ARHGEF10L: variants seen among roughly 807,000 people sequenced by gnomAD.
The protein encoded by ARHGEF10L is Rho guanine nucleotide exchange factor 10 like, also known as rho guanine nucleotide exchange factor 10-like protein.
Under a neutral mutation model 141.2 loss-of-function variants are expected in ARHGEF10L, and 69 were observed. The ratio of observed to expected loss-of-function variants is 0.49; its 90% CI spans 0.40 to 0.60. The LOEUF is 0.60. Ranked by LOEUF, ARHGEF10L falls within the 20% of genes least tolerant of loss-of-function variation. The pLI is 0.00. For synonymous variants in ARHGEF10L, 711 were observed against 718.5 expected (o/e 0.99, Z 0.17); for missense variants, 1,482 against 1,734.3 (o/e 0.85, Z 2.58).
rs542988034 is a variant in ARHGEF10L at position 17,656,700 on chromosome 1, G to A, written c.2852G>A (p.Arg951Gln). 36 of 1,612,540 alleles carry A rather than the reference G, an allele frequency of 2.2e-5. No homozygotes were observed. The highest frequency in any genetic ancestry group is 1.8e-4 in the Middle Eastern group (1 of 5,618). ...LQDGTLAAYP[R>Q]TSGGVLWDLE... ...GATGGGACCCTTGCTGCTTACCCTCGGACCAGCGGTGAGGACTGGGGGGAA... is the reference window on the plus strand; with the variant it reads ...GATGGGACCCTTGCTGCTTACCCTCAGACCAGCGGTGAGGACTGGGGGGAA... The change falls in exon 25 of 29, where the codon CGG becomes CAG. Residue 951 changes from arginine to glutamine, a missense_variant. This residue lies in a region of ARHGEF10L where 858 missense variants were observed against 966.3 expected (regional missense o/e 0.89). Coordinates refer to ENST00000361221, the MANE Select transcript of ARHGEF10L (RefSeq NM_018125.4). This position sits in a 1 kb window ranked among gnomAD's most constrained non-coding sequence, Gnocchi z 4.9.
In ARHGEF10L at chr1:17,639,806, C is replaced by G; in HGVS notation, c.2172-396C>G. 1 of 1,300,826 alleles carries G rather than the reference C, an allele frequency of 7.7e-7. No homozygotes were observed. Among genetic ancestry groups the G allele is most frequent in the Non-Finnish European group, 1.0e-6 (1 of 992,490 alleles). 80.6% of individuals were successfully genotyped at this position (1,300,826 alleles called of 1,614,324 possible). A position where few individuals can be genotyped will look rare whatever the true frequency, so the allele number is the denominator to read the frequency against. On this transcript the variant is annotated intron_variant, in intron 20 of 28. Coordinates refer to ENST00000361221, the MANE Select transcript of ARHGEF10L (RefSeq NM_018125.4). This position sits in a 1 kb window ranked among gnomAD's most constrained non-coding sequence, Gnocchi z 4.3. ...CCATGCCAGGTGCTGGGAACAGACC[C>G]AAGTGAGACCCATTCCTCCCTCTAG...
chr1:17,600,314 G>C (rs926969371), intron 4 of ARHGEF10L, among the ~76,000 whole-genome samples: 6 of 152,240 alleles, frequency 3.9e-5, no homozygotes, highest in Non-Finnish European at 8.8e-5. Flanking sequence ...AGGAAGGGAA[G>C]TTCAAGTTGA....
At chr1:17,675,385 C>T (rs2063583469) in intron 26 of ARHGEF10L, among the ~76,000 whole-genome samples, 1 of 152,214 alleles carries the variant, frequency 6.6e-6, no homozygotes, top group African/African-American at 2.4e-5. Flanking sequence ...CCCCCTCTGG[C>T]TAAGCACGGG....
intron 25 of ARHGEF10L, among the ~76,000 whole-genome samples, chr1:17,663,684 A>G (rs2062785980): frequency 6.6e-6 from 1 of 152,230 alleles, no homozygotes; most frequent in African/African-American, 2.4e-5. Flanking sequence ...TTCATGAGAA[A>G]TCAAGATTCA....
chr1:17,688,228 T>G (rs1258609881), intron 27 of ARHGEF10L, among the ~76,000 whole-genome samples: 1 of 152,248 alleles, frequency 6.6e-6, no homozygotes. Flanking sequence ...AGTCTGTGGG[T>G]TTGGATGGCA....
chr1:17,639,499 C>T lies in ARHGEF10L; in HGVS notation c.2172-703C>T, dbSNP rs927301378. On this transcript the variant is annotated intron_variant, in intron 20 of 28. Coordinates refer to ENST00000361221, the MANE Select transcript of ARHGEF10L (RefSeq NM_018125.4). This position sits in a 1 kb window ranked among gnomAD's most constrained non-coding sequence, Gnocchi z 4.3. Reference sequence around the variant, plus strand: ...CCCCCAGGGGACCATGTGTAGGAGTCAGCAGCTTTGAATCTGCCGCCTCCC... The same window carrying T: ...CCCCCAGGGGACCATGTGTAGGAGTTAGCAGCTTTGAATCTGCCGCCTCCC... Among the ~76,000 whole-genome samples, 2 of 151,728 alleles carry T rather than the reference C, an allele frequency of 1.3e-5. No homozygotes were observed. The highest frequency in any genetic ancestry group is 2.9e-5 in the Non-Finnish European group (2 of 67,886).
At chr1:17,664,017 G>C (rs1352198792) in intron 25 of ARHGEF10L, among the ~76,000 whole-genome samples, 1 of 152,212 alleles carries the variant, frequency 6.6e-6, no homozygotes, top group Non-Finnish European at 1.5e-5. Context: ...TGTGATAACT[G>C]TTGATTAACC....
chr1:17,614,001 G>C (rs1401581356), intron 8 of ARHGEF10L, among the ~76,000 whole-genome samples: 1 of 152,220 alleles, frequency 6.6e-6, no homozygotes, highest in Non-Finnish European at 1.5e-5. Flanking sequence ...AGTGGCTGTT[G>C]TTATCTACAT....
intron 1 of ARHGEF10L, among the ~76,000 whole-genome samples, chr1:17,565,208 C>G (rs556022390): frequency 6.6e-6 from 1 of 152,302 alleles, no homozygotes; most frequent in Non-Finnish European, 1.5e-5. Flanking sequence ...ATCCCATTCA[C>G]GAGGGCTCTA....
chr1:17,558,877 A>G lies in ARHGEF10L; in HGVS notation c.-44+18927A>G, dbSNP rs924716924. Among the ~76,000 whole-genome samples the G allele has an allele frequency of 6.6e-6, 1 of 152,118 alleles. No individual in the cohort carries two copies. The highest frequency in any genetic ancestry group is 2.4e-5 in the African/African-American group (1 of 41,404). On this transcript the variant is annotated intron_variant, in intron 1 of 28. Coordinates refer to ENST00000361221, the MANE Select transcript of ARHGEF10L (RefSeq NM_018125.4). This position sits in a 1 kb window ranked among gnomAD's most constrained non-coding sequence, Gnocchi z 4.2. Reference sequence around the variant, plus strand: ...CACAGGCTCCCTGGGCTGGGCAGGGAGAATGGTGGGGAGGGCTGAGGGGCC... The same window carrying G: ...CACAGGCTCCCTGGGCTGGGCAGGGGGAATGGTGGGGAGGGCTGAGGGGCC...
In ARHGEF10L at chr1:17,621,684, G is replaced by A. The variant is rs562394520; in HGVS notation, c.943-180G>A. On this transcript the variant is annotated intron_variant, in intron 10 of 28. Transcript: ENST00000361221. This position sits in a 1 kb window ranked among gnomAD's most constrained non-coding sequence, Gnocchi z 4.1. The stretch of plus-strand genomic sequence containing the variant: ...CTCCATTCTGTAGCCAGGCAGCAGG[G>A]CATTTATTTAGGGTTGGCAGGGGCT... Among the ~76,000 whole-genome samples the A allele has an allele frequency of 6.6e-6, 1 of 152,312 alleles. No homozygotes were observed. Among genetic ancestry groups the A allele is most frequent in the East Asian group, 1.9e-4 (1 of 5,172 alleles).
intron 26 of ARHGEF10L, among the ~76,000 whole-genome samples, chr1:17,687,214 C>T (rs546553349): frequency 6.6e-6 from 1 of 152,334 alleles, no homozygotes; most frequent in Admixed American, 6.5e-5. Flanking sequence ...CCACTGGGAC[C>T]ATGCCTGGTC....
chr1:17,625,973 C>G lies in ARHGEF10L; in HGVS notation c.1335C>G (p.Ser445Arg), dbSNP rs755111678. The part of the protein sequence containing the change: ...LEFLKRRQVC[S>R]PDRVTLYGLM... ...TCCACCAGCGACGGCAGGTGTGCAG[C>G]CCAGACCGTGTCACCCTCTACGGGC... The change falls in exon 14 of 29, where the codon AGC becomes AGG. Residue 445 changes from serine to arginine, a missense_variant. By Grantham distance (110) the Ser-to-Arg change is moderately radical (BLOSUM62 -1). Transcript: ENST00000361221. This position sits in a 1 kb window ranked among gnomAD's most constrained non-coding sequence, Gnocchi z 4.5. The G allele has an allele frequency of 6.2e-7, 1 of 1,613,948 alleles. No homozygotes were observed. The highest frequency in any genetic ancestry group is 2.2e-5 in the East Asian group (1 of 44,862).
At chr1:17,548,076 A>C (rs144105491) in intron 1 of ARHGEF10L, among the ~76,000 whole-genome samples, 351 of 152,292 alleles carry the variant, frequency 2.3e-3, no homozygotes, top group African/African-American at 8.0e-3. Context: ...AGATTTGACA[A>C]GAAAGGGCAG....
At chr1:17,679,097 C>T (rs2063913970) in intron 26 of ARHGEF10L, among the ~76,000 whole-genome samples, 1 of 152,194 alleles carries the variant, frequency 6.6e-6, no homozygotes, top group South Asian at 2.1e-4. Flanking sequence ...CTTGCAGGCT[C>T]CCATGATGGC....
At chr1:17,667,278 A>C (rs1413784210) in intron 26 of ARHGEF10L, among the ~76,000 whole-genome samples, 2 of 152,152 alleles carry the variant, frequency 1.3e-5, no homozygotes, top group African/African-American at 2.4e-5. Context: ...CTTCAGTCTG[A>C]TGTGGAAGAC....
At chr1:17,676,705 A>C (rs912421837) in intron 26 of ARHGEF10L, among the ~76,000 whole-genome samples, 29 of 151,980 alleles carry the variant, frequency 1.9e-4, no homozygotes, top group Admixed American at 1.9e-3. Flanking sequence ...CCCAAAGTCA[A>C]GGCCCCCCAG....
intron 1 of ARHGEF10L, among the ~76,000 whole-genome samples, chr1:17,551,931 C>T (rs959942008): frequency 4.6e-5 from 7 of 152,290 alleles, no homozygotes; most frequent in Admixed American, 1.3e-4. Flanking sequence ...CCACAGTCCC[C>T]GTGTGGCTTT....
rs770540221 is a variant in ARHGEF10L, at chr1:17,565,115, C to T, written c.-43-15438C>T. Among the ~76,000 whole-genome samples the T allele has an allele frequency of 1.1e-3, 160 of 152,294 alleles. 2 individuals carry two copies. Among genetic ancestry groups the T allele is most frequent in the Non-Finnish European group, 2.1e-3 (143 of 68,018 alleles). ...CAGCAGATTCGGTGTCTGGTGAGGG[C>T]CTGTTCCTTATAGATGGTACCTTCT... On this transcript the variant is annotated intron_variant, in intron 1 of 28. Transcript: ENST00000361221.
Sources: allele counts gnomAD v4.1 joint callset (sites outside exome capture counted in the v4.1 genomes callset), GRCh38; gene constraint gnomAD v4.1.1; regional missense constraint gnomAD v4.1.1; non-coding constraint Gnocchi (gnomAD v3.1); transcripts MANE v1.5; gene names NCBI Gene and HGNC (gene_info 2026-07-23, HGNC 2026-07-21).